NECAP1: variants seen among roughly 807,000 people sequenced by gnomAD.
NECAP1 encodes the protein adaptin ear-binding coat-associated protein 1.
Under a neutral mutation model 33.4 loss-of-function variants are expected in NECAP1, and 13 were observed. The observed-to-expected ratio is 0.39, with a 90% CI of 0.25 to 0.62. The LOEUF (loss-of-function observed/expected upper bound fraction) is 0.62. NECAP1 is among the 20% of genes least tolerant of loss of function. NECAP1 has a pLI of 0.52. For synonymous variants in NECAP1, 109 were observed against 125.2 expected, an observed-to-expected ratio of 0.87 and a Z score of 0.86; for missense variants, 272 against 347.4, an observed-to-expected ratio of 0.78 and a Z score of 1.73.
At position 8,082,321 on chromosome 12, in the gene NECAP1, G is replaced by T; in HGVS notation, c.33G>T (p.Leu11=). 1 of 1,613,558 alleles carries T rather than the reference G, an allele frequency of 6.2e-7. No individual in the cohort carries two copies. The highest frequency in any genetic ancestry group is 8.5e-7 in the Non-Finnish European group (1 of 1,179,504). Residue 11 remains leucine (L), a synonymous_variant, in exon 1 of 8, where the codon CTG becomes CTT. Transcript: ENST00000339754. MATELEYESV[L]CVKPDVSVYR... is the part of the protein sequence containing the mutation. ...CCGAGTTGGAGTACGAGTCTGTGCT[G>T]TGTGTGAAGCCAGACGTCAGCGTCT...
chr12:8,085,845 A>T (rs960182656), intron 1 of NECAP1, among the ~76,000 whole-genome samples: 19 of 151,984 alleles, frequency 1.3e-4, no homozygotes, highest in Admixed American at 1.3e-4. Context: ...TTGAGATTAC[A>T]GATGTGCACT....
At chr12:8,091,410 G>A (rs1591596326) in intron 3 of NECAP1, 1 of 272,766 alleles carries the variant, frequency 3.7e-6, no homozygotes, top group East Asian at 8.7e-5. Context: ...AGAATCAGCG[G>A]GAGCCTTGGG....
At chr12:8,091,640 G>T in intron 3 of NECAP1, 129 bp from the exon 4 acceptor site, 1 of 729,684 alleles carries the variant, frequency 1.4e-6, no homozygotes, top group Non-Finnish European at 2.4e-6. Context: ...ATGAAGCTTT[G>T]CTCTCTCGTG....
chr12:8,085,072 T>C (rs1050636462), intron 1 of NECAP1, among the ~76,000 whole-genome samples: 8 of 151,788 alleles, frequency 5.3e-5, no homozygotes, highest in Non-Finnish European at 8.8e-5. Flanking sequence ...CAGGCTGGAG[T>C]GCGCTGGCGC....
At position 8,090,266 on chromosome 12, in the gene NECAP1, C is replaced by T. The variant is rs374365372; in HGVS notation, c.268C>T (p.Arg90Cys). 9.9e-6 allele frequency: 16 copies of T among 1,613,988 alleles called. No individual in the cohort carries two copies. The highest frequency in any genetic ancestry group is 1.3e-5 in the African/African-American group (1 of 74,902). Reference protein sequence around the residue: ...IAVETVTDSSRYFVIRIQDGT... With the variant: ...IAVETVTDSSCYFVIRIQDGT... ...TGTGGAGACGGTGACAGATTCTAGC[C>T]GCTACTTTGTAATCCGGATCCAGGA... The change falls in exon 3 of 8, where the codon CGC becomes TGC. Residue 90 changes from arginine (R) to cysteine (C), a missense_variant. Physicochemically the swap from Arg to Cys is radical, Grantham distance 180. Coordinates refer to ENST00000339754, the MANE Select transcript of NECAP1 (RefSeq NM_015509.4).
intron 6 of NECAP1, 159 bp downstream of exon 6, chr12:8,093,214 G>A: frequency 1.5e-6 from 1 of 667,282 alleles, no homozygotes; most frequent in Non-Finnish European, 2.5e-6. Context: ...CTTTTCTAGT[G>A]AACTAAGAGT....
chr12:8,095,862 G>C, intron 7 of NECAP1, 159 bp downstream of exon 7: 6 of 1,077,996 alleles, frequency 5.6e-6, no homozygotes, highest in Non-Finnish European at 8.0e-6. Flanking sequence ...TGGGAATGGG[G>C]GGACAAAAAA....
chr12:8,095,689 C>A lies in NECAP1; in HGVS notation c.765C>A (p.Phe255Leu), dbSNP rs750777115. 3.7e-6 allele frequency: 6 copies of A among 1,612,504 alleles called. No individual in the cohort carries two copies. The South Asian group carries it at 6.6e-5, about 18-fold the overall frequency. Residue 255 changes from phenylalanine to leucine, a missense_variant, in exon 7 of 8, where the codon TTC becomes TTA. Coordinates refer to ENST00000339754, the MANE Select transcript of NECAP1 (RefSeq NM_015509.4). ...VSVSNDLWGD[F>L]STASSSVPNQ... ...TAAGCAATGACTTGTGGGGAGACTT[C>A]AGCACTGCCTCCAGGTAATGGGCAT...
chr12:8,083,446 T>G lies in NECAP1; in HGVS notation c.95+1063T>G, dbSNP rs1020633722. On this transcript the variant is annotated intron_variant, in intron 1 of 7. Coordinates refer to ENST00000339754, the MANE Select transcript of NECAP1 (RefSeq NM_015509.4). ...CTTTTTTTTTTTTTTTTTTTTTTTT[T>G]TGAGATGTAGTCTCACTTTGTTGCC... Among the ~76,000 whole-genome samples the G allele has an allele frequency of 2.2e-4, 27 of 121,556 alleles. No individual in the cohort carries two copies. The South Asian group carries it at 7.3e-3, about 33-fold the overall frequency. 79.7% of individuals were successfully genotyped at this position (121,556 alleles called of 152,430 possible).
In NECAP1 at chr12:8,089,617, T is replaced by C. The variant is rs1434241511; in HGVS notation, c.96-319T>C. 10 of 240,352 alleles carry C rather than the reference T, an allele frequency of 4.2e-5. No individual in the cohort carries two copies. In the South Asian group the frequency reaches 6.8e-4, roughly 16 times the overall value. 14.9% of individuals were successfully genotyped at this position (240,352 alleles called of 1,614,324 possible). ...CTCAAGTGATCCACCCACCTTGGCC[T>C]CCCAAAGTGCTGGGATTACAGGCTT... On this transcript the variant is annotated intron_variant, in intron 1 of 7. Transcript: ENST00000339754.
chr12:8,085,553 G>A (rs868202804), intron 1 of NECAP1, among the ~76,000 whole-genome samples: 21 of 152,062 alleles, frequency 1.4e-4, no homozygotes, highest in Non-Finnish European at 2.5e-4. Flanking sequence ...TGAAGAGAGC[G>A]GAATTAAGTT....
At position 8,095,640 on chromosome 12, in the gene NECAP1, C is replaced by T; in HGVS notation, c.716C>T (p.Thr239Ile). Residue 239 changes from threonine to isoleucine, a missense_variant, in exon 7 of 8, where the codon ACA becomes ATA. Physicochemically the swap from Thr to Ile is moderately conservative, Grantham distance 89. Coordinates refer to ENST00000339754, the MANE Select transcript of NECAP1 (RefSeq NM_015509.4). Reference protein sequence around the residue: ...LDLDSPAPVTTPAPTPVSVSN... With the variant: ...LDLDSPAPVTIPAPTPVSVSN... Reference sequence around the variant, plus strand: ...TTGGATTCTCCTGCTCCTGTCACGACACCAGCACCAACTCCAGTTTCTGTA... The same window carrying T: ...TTGGATTCTCCTGCTCCTGTCACGATACCAGCACCAACTCCAGTTTCTGTA... 1 of 1,614,012 alleles carries T rather than the reference C, an allele frequency of 6.2e-7. No individual in the cohort carries two copies. The highest frequency in any genetic ancestry group is 8.5e-7 in the Non-Finnish European group (1 of 1,179,888).
At chr12:8,094,364 A>C (rs890874058) in intron 6 of NECAP1, among the ~76,000 whole-genome samples, 2 of 152,226 alleles carry the variant, frequency 1.3e-5, no homozygotes, top group Non-Finnish European at 2.9e-5. Context: ...CACAAATGAA[A>C]AATTGATGTT....
chr12:8,087,667 G>A (rs769622704), intron 1 of NECAP1, among the ~76,000 whole-genome samples: 3 of 151,910 alleles, frequency 2.0e-5, no homozygotes, highest in Admixed American at 1.3e-4. Flanking sequence ...GGTTATAGGC[G>A]TGAGCCACGG....
chr12:8,084,200 T>C (rs1372049562), intron 1 of NECAP1, among the ~76,000 whole-genome samples: 1 of 152,196 alleles, frequency 6.6e-6, no homozygotes, highest in Non-Finnish European at 1.5e-5. Context: ...TTTTTATGCT[T>C]GCTGACCTGT....
intron 1 of NECAP1, among the ~76,000 whole-genome samples, chr12:8,083,326 A>T (rs944128801): frequency 9.9e-5 from 15 of 152,116 alleles, no homozygotes; most frequent in African/African-American, 3.6e-4. Context: ...AATGTGCTTA[A>T]CAAGGGTTTT....
intron 4 of NECAP1, 126 bp from the exon 5 acceptor site, chr12:8,092,550 A>G: frequency 1.5e-6 from 1 of 649,998 alleles, no homozygotes; most frequent in Non-Finnish European, 2.6e-6. Flanking sequence ...TCTGTTTCTC[A>G]CTCTTTTTTA....
intron 4 of NECAP1, chr12:8,092,100 G>T (rs999101541): frequency 6.4e-6 from 3 of 469,886 alleles, no homozygotes; most frequent in African/African-American, 6.0e-5. Context: ...TGTCGAATTT[G>T]CCCCGTCTTT....
chr12:8,092,156 G>T, intron 4 of NECAP1: 2 of 380,790 alleles, frequency 5.3e-6, no homozygotes, highest in African/African-American at 2.1e-5. Flanking sequence ...CTTTATGTGG[G>T]GAGTCGTGTG....
Sources: gnomAD v4.1 joint callset for allele counts (sites outside exome capture counted in the v4.1 genomes callset) on GRCh38, gnomAD v4.1.1 for gene constraint, MANE v1.5 for transcripts, NCBI Gene and HGNC (gene_info 2026-07-23, HGNC 2026-07-21) for gene names.